The following RBFOX1 variants were observed in gnomAD, a reference collection of about 807,000 sequenced individuals.
RBFOX1 encodes the protein RNA binding protein fox-1 homolog 1.
RBFOX1 carries 8 observed loss-of-function variants against 57.7 expected under a neutral mutation model. The observed-to-expected ratio is 0.14, with a 90% CI of 0.08 to 0.25. The LOEUF is 0.25. Among genes scored for constraint, RBFOX1 ranks in the 10% least tolerant of loss-of-function variants. The pLI, the probability that RBFOX1 is intolerant of heterozygous loss-of-function variation, is 1.00. For missense variants in RBFOX1, 611 were observed against 548.5 expected (o/e 1.11, Z -1.14); for synonymous variants, 326 against 222.4 (o/e 1.47, Z -4.15).
In RBFOX1 at chr16:6,133,390, G is replaced by C. The variant is rs141040813; in HGVS notation, c.-127+113398G>C. The stretch of plus-strand genomic sequence containing the variant: ...GCCTATCAGGCATGTGGCTGGCACT[G>C]AACACAGGGTTCTGAATGAATAAAT... On this transcript the variant is annotated intron_variant, in intron 1 of 15. Transcript: ENST00000550418. Among the ~76,000 whole-genome samples, 1,476 of 152,310 alleles carry C rather than the reference G, an allele frequency of 9.7e-3. 27 individuals are homozygous for C. The highest frequency in any genetic ancestry group is 0.033 in the African/African-American group (1,392 of 41,562).
At chr16:6,988,276 C>G (rs1339094216) in intron 3 of RBFOX1, among the ~76,000 whole-genome samples, 2 of 152,256 alleles carry the variant, frequency 1.3e-5, no homozygotes, top group South Asian at 4.2e-4. Flanking sequence ...CAGCAAAGCC[C>G]TATAGACCTT....
intron 3 of RBFOX1, among the ~76,000 whole-genome samples, chr16:6,697,863 C>T (rs555773573): frequency 6.6e-5 from 10 of 152,276 alleles, no homozygotes; most frequent in African/African-American, 1.7e-4. Flanking sequence ...TCTGCCCAGA[C>T]AGTAGAAGAA....
intron 3 of RBFOX1, among the ~76,000 whole-genome samples, chr16:5,830,040 C>T (rs1306749522): frequency 1.3e-5 from 2 of 152,194 alleles, no homozygotes; most frequent in Non-Finnish European, 2.9e-5. Flanking sequence ...CATGACATTT[C>T]CTTGTAGGGT....
intron 3 of RBFOX1, among the ~76,000 whole-genome samples, chr16:7,000,782 T>G (rs1449779527): frequency 1.3e-5 from 2 of 152,002 alleles, no homozygotes; most frequent in African/African-American, 4.8e-5. Context: ...CTTTCTATAT[T>G]TTTAGTAGAG....
chr16:7,650,426 A>T (rs184641197), intron 11 of RBFOX1, among the ~76,000 whole-genome samples: 4 of 151,888 alleles, frequency 2.6e-5, no homozygotes, highest in African/African-American at 9.7e-5. Context: ...GAAGTCCCCC[A>T]ATGTGCCCTG....
intron 1 of RBFOX1, among the ~76,000 whole-genome samples, chr16:5,329,710 C>T (rs2064692088): frequency 6.6e-6 from 1 of 152,210 alleles, no homozygotes; most frequent in East Asian, 1.9e-4. Flanking sequence ...AAGATCAAGA[C>T]ATATGTGGGC....
chr16:7,171,168 T>C (rs527366639), intron 4 of RBFOX1, among the ~76,000 whole-genome samples: 1 of 152,192 alleles, frequency 6.6e-6, no homozygotes, highest in Non-Finnish European at 1.5e-5. Context: ...CAGTCGGCAA[T>C]TGGCGAGGAG....
intron 3 of RBFOX1, among the ~76,000 whole-genome samples, chr16:6,665,515 C>T (rs993403274): frequency 6.6e-6 from 1 of 151,786 alleles, no homozygotes; most frequent in Non-Finnish European, 1.5e-5. Flanking sequence ...ATCGCAGCTA[C>T]TTGGGAGGCT....
intron 2 of RBFOX1, among the ~76,000 whole-genome samples, chr16:6,652,513 A>G (rs937354940): frequency 2.0e-5 from 3 of 152,050 alleles, no homozygotes; most frequent in African/African-American, 7.2e-5. Context: ...ATAGAGCAGC[A>G]GCTATGTGAG....
chr16:7,250,330 A>G (rs895371157), intron 4 of RBFOX1, among the ~76,000 whole-genome samples: 1 of 152,184 alleles, frequency 6.6e-6, no homozygotes, highest in Admixed American at 6.5e-5. Flanking sequence ...TGCTTATATT[A>G]ATTGTTTACT....
intron 3 of RBFOX1, among the ~76,000 whole-genome samples, chr16:5,852,589 G>C (rs1016622021): frequency 6.6e-6 from 1 of 152,202 alleles, no homozygotes; most frequent in Non-Finnish European, 1.5e-5. Flanking sequence ...AGAAAAGATG[G>C]CAGCTGAGAG....
intron 4 of RBFOX1, among the ~76,000 whole-genome samples, chr16:5,927,969 G>A (rs1052930144): frequency 2.0e-5 from 3 of 152,226 alleles, no homozygotes; most frequent in Admixed American, 2.0e-4. Flanking sequence ...TTGTTGGTGA[G>A]ATAGAATAAA....
At chr16:7,254,197 C>T (rs1430758840) in intron 4 of RBFOX1, among the ~76,000 whole-genome samples, 1 of 152,152 alleles carries the variant, frequency 6.6e-6, no homozygotes, top group African/African-American at 2.4e-5. Flanking sequence ...CCTGAAATCA[C>T]ACAGTTCATT....
At chr16:6,537,736 C>T (rs1037609947) in intron 2 of RBFOX1, among the ~76,000 whole-genome samples, 2 of 152,178 alleles carry the variant, frequency 1.3e-5, no homozygotes, top group African/African-American at 4.8e-5. Context: ...GGTTTTATAG[C>T]AGATAAGAGA....
chr16:7,261,375 G>C (rs1376597573), intron 4 of RBFOX1, among the ~76,000 whole-genome samples: 1 of 152,196 alleles, frequency 6.6e-6, no homozygotes, highest in African/African-American at 2.4e-5. Context: ...CAGACATCAA[G>C]GCAGCAGAAT....
chr16:6,231,019 T>G (rs2097455159), intron 1 of RBFOX1, among the ~76,000 whole-genome samples: 1 of 152,152 alleles, frequency 6.6e-6, no homozygotes, highest in South Asian at 2.1e-4. Flanking sequence ...CAGTGACCAC[T>G]TGTGGTACAT....
At chr16:6,891,927 T>C (rs1220948289) in intron 3 of RBFOX1, among the ~76,000 whole-genome samples, 2 of 152,142 alleles carry the variant, frequency 1.3e-5, no homozygotes, top group Non-Finnish European at 2.9e-5. Context: ...TTCCAGCAAG[T>C]CGGTTTTCTG....
At chr16:7,350,643 C>T (rs73565833) in intron 4 of RBFOX1, among the ~76,000 whole-genome samples, 6,724 of 152,152 alleles carry the variant, frequency 0.044, 236 homozygotes, top group African/African-American at 0.092. Context: ...CTGGTGAAGA[C>T]GACCAGTACC....
intron 2 of RBFOX1, among the ~76,000 whole-genome samples, chr16:5,505,526 C>T (rs138766206): frequency 1.3e-3 from 196 of 152,278 alleles, no homozygotes; most frequent in Non-Finnish European, 2.4e-3. Context: ...CCACCAGAAG[C>T]CCTGTCTCCT....
Sources: gnomAD v4.1 joint callset for allele counts (sites outside exome capture counted in the v4.1 genomes callset) on GRCh38, gnomAD v4.1.1 for gene constraint, MANE v1.5 for transcripts, NCBI Gene and HGNC (gene_info 2026-07-23, HGNC 2026-07-21) for gene names.